The following GUCY1A2 variants were observed in gnomAD, a reference collection of about 807,000 sequenced individuals.
GUCY1A2 encodes guanylate cyclase soluble subunit alpha-2.
In GUCY1A2, 27 loss-of-function variants were observed where a neutral mutation model predicts 63.5. The ratio of observed to expected loss-of-function variants is 0.43; its 90% CI spans 0.31 to 0.59. GUCY1A2 has a LOEUF of 0.59. Ranked by LOEUF, GUCY1A2 falls within the 20% of genes least tolerant of loss-of-function variation. GUCY1A2 has a pLI of 0.11. For synonymous variants in GUCY1A2, 364 were observed against 343.5 expected, an observed-to-expected ratio of 1.06 and a Z score of -0.66; for missense variants, 768 against 913.3, an observed-to-expected ratio of 0.84 and a Z score of 2.05.
chr11:106,812,180 A>T (rs985745793), intron 4 of GUCY1A2, among the ~76,000 whole-genome samples: 1 of 151,886 alleles, frequency 6.6e-6, no homozygotes, highest in Admixed American at 6.6e-5. Context: ...TATTATATAA[A>T]TTTTTTTAAG....
chr11:106,923,909 T>C (rs1388194417), intron 4 of GUCY1A2, among the ~76,000 whole-genome samples: 1 of 152,174 alleles, frequency 6.6e-6, no homozygotes, highest in Non-Finnish European at 1.5e-5. Flanking sequence ...CAAGACCATT[T>C]GTAAAATAAA....
At chr11:106,927,617 T>C (rs1591330808) in intron 4 of GUCY1A2, among the ~76,000 whole-genome samples, 1 of 151,344 alleles carries the variant, frequency 6.6e-6, no homozygotes, top group Non-Finnish European at 1.5e-5. Flanking sequence ...CAGGCTGGAG[T>C]GCAGTGGTGC....
chr11:106,791,237 G>C (rs574620562), intron 5 of GUCY1A2, among the ~76,000 whole-genome samples: 1 of 152,176 alleles, frequency 6.6e-6, no homozygotes. Flanking sequence ...GCCTGGTTTT[G>C]CTTTCTGCTA....
At chr11:106,705,115 G>C (rs1374721628) in intron 7 of GUCY1A2, among the ~76,000 whole-genome samples, 1 of 151,876 alleles carries the variant, frequency 6.6e-6, no homozygotes, top group Non-Finnish European at 1.5e-5. Context: ...ATGTTCACAG[G>C]AACAAACTTT....
intron 1 of GUCY1A2, among the ~76,000 whole-genome samples, chr11:106,987,922 T>C (rs1861422650): frequency 6.6e-6 from 1 of 152,188 alleles, no homozygotes; most frequent in Admixed American, 6.5e-5. Flanking sequence ...AGATACCTAC[T>C]GCACATTAGC....
Position 106,962,202 on chromosome 11 carries a change from A to G in GUCY1A2, c.487+16417T>C, listed in dbSNP as rs139034144. On this transcript the variant is annotated intron_variant, in intron 3 of 7. Transcript: ENST00000526355. ...CAGGACTAGATTCATTCTATTATTT[A>G]GTTGAAAATTTTGTTCCCAAAGGAT... Among the ~76,000 whole-genome samples, 65 of 152,262 alleles carry G rather than the reference A, an allele frequency of 4.3e-4. No homozygotes were observed. The East Asian group carries it at 9.1e-3, about 21-fold the overall frequency.
rs539799859 is a variant in GUCY1A2, at chr11:106,937,918, G to A, written c.1206+1542C>T. On this transcript the variant is annotated intron_variant, in intron 4 of 7. Transcript: ENST00000526355. ...CCTGATTTCGTCATATTGAATAAAT[G>A]TGCATCTTTCTATCATTCTCAAATA... Among the ~76,000 whole-genome samples, 6 of 152,100 alleles carry A rather than the reference G, an allele frequency of 3.9e-5. No individual in the cohort carries two copies. The East Asian group carries it at 9.7e-4, about 24-fold the overall frequency.
intron 4 of GUCY1A2, among the ~76,000 whole-genome samples, chr11:106,846,169 T>C (rs1859268287): frequency 6.6e-6 from 1 of 151,410 alleles, no homozygotes; most frequent in Non-Finnish European, 1.5e-5. Context: ...AGACAATCTA[T>C]AAATAAAATT....
chr11:106,839,870 GA>G (rs1475157349), intron 4 of GUCY1A2, among the ~76,000 whole-genome samples: 2 of 112,204 alleles, frequency 1.8e-5, no homozygotes, highest in Non-Finnish European at 3.5e-5. Context: ...GGGGTGGGGG[GA>G]GGGGGGAGGG....
intron 4 of GUCY1A2, among the ~76,000 whole-genome samples, chr11:106,858,312 A>G (rs966341780): frequency 1.3e-5 from 2 of 152,176 alleles, no homozygotes; most frequent in Non-Finnish European, 2.9e-5. Flanking sequence ...CAGGGAAAAG[A>G]TTAGATCATC....
intron 7 of GUCY1A2, among the ~76,000 whole-genome samples, chr11:106,698,085 G>A (rs1862750598): frequency 7.2e-6 from 1 of 139,690 alleles, no homozygotes; most frequent in Non-Finnish European, 1.5e-5. Context: ...TATGTAAGTT[G>A]AAAATAAATT....
intron 4 of GUCY1A2, among the ~76,000 whole-genome samples, chr11:106,924,302 C>G (rs903943187): frequency 1.4e-4 from 22 of 152,186 alleles, no homozygotes; most frequent in Admixed American, 4.6e-4. Flanking sequence ...TGGACAACTT[C>G]TTTATACCTT....
chr11:106,986,279 G>C (rs1861400316), intron 1 of GUCY1A2, 148 bp from the exon 2 acceptor site: 1 of 499,492 alleles, frequency 2.0e-6, no homozygotes, highest in Non-Finnish European at 3.5e-6. Flanking sequence ...ATCATGCCAT[G>C]TATTTTCCCC....
At chr11:106,846,355 GT>G (rs1859273954) in intron 4 of GUCY1A2, among the ~76,000 whole-genome samples, 1 of 151,580 alleles carries the variant, frequency 6.6e-6, no homozygotes, top group African/African-American at 2.4e-5. Context: ...ATCTAGATTT[GT>G]TTTAACATCT....
chr11:106,871,891 G>A (rs1431953808), intron 4 of GUCY1A2, among the ~76,000 whole-genome samples: 2 of 152,158 alleles, frequency 1.3e-5, no homozygotes, highest in African/African-American at 4.8e-5. Flanking sequence ...TGGTTTAGGT[G>A]AATTAAACTA....
At chr11:106,844,038 T>A (rs1030570277) in intron 4 of GUCY1A2, among the ~76,000 whole-genome samples, 3 of 151,874 alleles carry the variant, frequency 2.0e-5, no homozygotes, top group Non-Finnish European at 4.4e-5. Flanking sequence ...TGCACATGTA[T>A]GTTTATGAAG....
intron 3 of GUCY1A2, among the ~76,000 whole-genome samples, chr11:106,958,527 T>C (rs1295581601): frequency 6.6e-6 from 1 of 152,134 alleles, no homozygotes; most frequent in Non-Finnish European, 1.5e-5. Context: ...ATAGTTCTCA[T>C]GTTCTCCTGT....
At chr11:106,774,498 G>C (rs1198071152) in intron 6 of GUCY1A2, among the ~76,000 whole-genome samples, 1 of 152,074 alleles carries the variant, frequency 6.6e-6, no homozygotes, top group African/African-American at 2.4e-5. Flanking sequence ...GATGGGTTTA[G>C]TTTTGGATTC....
At chr11:106,811,756 G>A (rs1294494595) in intron 4 of GUCY1A2, among the ~76,000 whole-genome samples, 1 of 151,926 alleles carries the variant, frequency 6.6e-6, no homozygotes, top group Non-Finnish European at 1.5e-5. Context: ...TTCTGCTAAA[G>A]TTCAGTATTT....
Sources: allele counts gnomAD v4.1 joint callset (sites outside exome capture counted in the v4.1 genomes callset), GRCh38; gene constraint gnomAD v4.1.1; transcripts MANE v1.5; gene names NCBI Gene and HGNC (gene_info 2026-07-23, HGNC 2026-07-21).